Variants in EPRS1 observed in about 807,000 individuals in gnomAD.
EPRS1 encodes the protein bifunctional glutamate/proline--tRNA ligase.
In EPRS1, 107 loss-of-function variants were observed where a neutral mutation model predicts 188.3. The ratio of observed to expected loss-of-function variants is 0.57; its 90% CI spans 0.49 to 0.67. EPRS1 has a LOEUF of 0.67. EPRS1 is among the 30% of genes least tolerant of loss of function. The pLI is 0.00. For synonymous variants in EPRS1, 596 were observed against 593.1 expected (o/e 1.00, Z -0.07); for missense variants, 1,577 against 1,802.2 (o/e 0.88, Z 2.26).
At chr1:219,991,321 A>C (rs554978167) in intron 18 of EPRS1, among the ~76,000 whole-genome samples, 1 of 151,818 alleles carries the variant, frequency 6.6e-6, no homozygotes, top group African/African-American at 2.4e-5. Flanking sequence ...AAATGAAAAA[A>C]CTTTTTTCAA....
At chr1:220,034,707 C>G (rs2577136) in intron 3 of EPRS1, among the ~76,000 whole-genome samples, 2 of 152,018 alleles carry the variant, frequency 1.3e-5, no homozygotes, top group Non-Finnish European at 2.9e-5. Context: ...TGGTAGGGGA[C>G]TAAAGGTTCA....
At chr1:219,986,035 A>C (rs1422925130) in intron 20 of EPRS1, among the ~76,000 whole-genome samples, 1 of 152,224 alleles carries the variant, frequency 6.6e-6, no homozygotes, top group Non-Finnish European at 1.5e-5. Flanking sequence ...CTGGTTATTC[A>C]GTTTAATAGT....
intron 17 of EPRS1, among the ~76,000 whole-genome samples, chr1:219,998,697 C>G (rs367969583): frequency 6.6e-6 from 1 of 151,890 alleles, no homozygotes; most frequent in East Asian, 1.9e-4. Context: ...CCTGCACCAC[C>G]ACACCCAGCT....
chr1:220,024,203 C>T (rs2577159), intron 8 of EPRS1, 61 bp downstream of exon 8: 898,437 of 1,116,932 alleles, frequency 0.8, 362,377 homozygotes, highest in East Asian at 0.92. Flanking sequence ...AAAGAAATCA[C>T]GTTCTACTAA....
intron 18 of EPRS1, 83 bp from the exon 19 acceptor site, chr1:219,988,906 T>A: frequency 1.3e-6 from 1 of 784,266 alleles, no homozygotes; most frequent in Non-Finnish European, 2.0e-6. Flanking sequence ...TCTTTAATTA[T>A]CAGCAAATCA....
rs115606986 is a variant in EPRS1, at chr1:219,988,273, G to A, written c.2775+317C>T. Among the ~76,000 whole-genome samples the A allele has an allele frequency of 3.5e-3, 526 of 152,272 alleles. 5 individuals carry two copies. Among genetic ancestry groups the A allele is most frequent in the African/African-American group, 0.012 (515 of 41,560 alleles). ...AAGGTAAATATTAAGGGCCTTCAATGGGGTGAGCACTGTGCTAGGGTCTAG... is the reference window on the plus strand; with the variant it reads ...AAGGTAAATATTAAGGGCCTTCAATAGGGTGAGCACTGTGCTAGGGTCTAG... On this transcript the variant is annotated intron_variant, in intron 19 of 31. Coordinates refer to ENST00000366923, the MANE Select transcript of EPRS1 (RefSeq NM_004446.3).
chr1:220,018,846 G>A (rs569673231), intron 11 of EPRS1, 149 bp downstream of exon 11: 2 of 357,242 alleles, frequency 5.6e-6, no homozygotes, highest in Admixed American at 6.7e-5. Context: ...AAAAAAGTTT[G>A]TTTTAAAAAA....
Position 219,978,731 on chromosome 1 carries a change from A to C in EPRS1, c.3910-12T>G. ...GGAATAATCACCACCTAGAATCAGCACAATGTCCCAAATGTATGCAAAGAA... is the reference window on the plus strand; with the variant it reads ...GGAATAATCACCACCTAGAATCAGCCCAATGTCCCAAATGTATGCAAAGAA... On this transcript the variant is annotated splice_polypyrimidine_tract_variant and intron_variant, in intron 27 of 31. Coordinates refer to ENST00000366923, the MANE Select transcript of EPRS1 (RefSeq NM_004446.3). 1 of 1,602,478 alleles carries C rather than the reference A, an allele frequency of 6.2e-7. No individual in the cohort carries two copies. The highest frequency in any genetic ancestry group is 8.5e-7 in the Non-Finnish European group (1 of 1,173,598).
In EPRS1 at chr1:220,032,430, G is replaced by A; in HGVS notation, c.485C>T (p.Ser162Leu). Residue 162 changes from serine (S) to leucine (L), a missense_variant, in exon 5 of 32, where the codon TCA becomes TTA. Physicochemically the swap from Ser to Leu is moderately radical, Grantham distance 145. Transcript: ENST00000366923. ...TGAAACATCCCACTTGGTACCTACT[G>A]ACTGGAAGGCCTGCTGGGCTTCAAG... ...GFLEAQQAFQ[S>L]VGTKWDVSTT... 6.2e-7 allele frequency: 1 copy of A among 1,613,234 alleles called. No homozygotes were observed. The highest frequency in any genetic ancestry group is 8.5e-7 in the Non-Finnish European group (1 of 1,179,676).
At chr1:220,029,317 CCA>C (rs760599591) in intron 6 of EPRS1, among the ~76,000 whole-genome samples, 3 of 152,158 alleles carry the variant, frequency 2.0e-5, no homozygotes, top group African/African-American at 7.2e-5. Context: ...TGTGAATTTT[CCA>C]CAGTCATCAC....
chr1:220,033,879 CTT>C (rs56389209), intron 3 of EPRS1, among the ~76,000 whole-genome samples: 6 of 144,654 alleles, frequency 4.1e-5, no homozygotes, highest in Non-Finnish European at 9.0e-5. Context: ...ATGCTTTCTG[CTT>C]TTTTTTTTTT....
rs12059273 is a variant in EPRS1 at position 219,985,007 on chromosome 1, G to A, written c.3039-750C>T. 6.5e-3 allele frequency among the ~76,000 whole-genome samples: 973 copies of A among 149,020 alleles called. 14 individuals are homozygous for A. The highest frequency in any genetic ancestry group is 0.023 in the African/African-American group (913 of 40,122). ...TGCAGTGAGCCGAGATTGCGCCATT[G>A]CACTCCAGCCTGGGCAACAAAAGTG... On this transcript the variant is annotated intron_variant, in intron 20 of 31. Coordinates refer to ENST00000366923, the MANE Select transcript of EPRS1 (RefSeq NM_004446.3).
rs545944969 is a variant in EPRS1, at chr1:219,983,731, A to G, written c.3091-333T>C. Reference sequence around the variant, plus strand: ...AATATGGTGAAACCCAGTCTCTACTAAAACTACAAAAATTAGCCGGGCGTG... The same window carrying G: ...AATATGGTGAAACCCAGTCTCTACTGAAACTACAAAAATTAGCCGGGCGTG... On this transcript the variant is annotated intron_variant, in intron 21 of 31. Coordinates refer to ENST00000366923, the MANE Select transcript of EPRS1 (RefSeq NM_004446.3). Among the ~76,000 whole-genome samples, 12 of 152,190 alleles carry G rather than the reference A, an allele frequency of 7.9e-5. No individual in the cohort carries two copies. The South Asian group carries it at 2.5e-3, about 32-fold the overall frequency.
In EPRS1 at chr1:219,980,807, A is replaced by G. The variant is rs1660880267; in HGVS notation, c.3504T>C (p.Leu1168=). 1 of 1,613,566 alleles carries G rather than the reference A, an allele frequency of 6.2e-7. No individual in the cohort carries two copies. The highest frequency in any genetic ancestry group is 8.5e-7 in the Non-Finnish European group (1 of 1,179,830). The part of the protein sequence containing the change: ...PQPFLRTREF[L]WQEGHSAFAT... ...CAAAAGCACTGTGCCCTTCCTGCCA[A>G]AGAAATTCACGAGTACGTAGGAAAG... The change falls in exon 25 of 32, where the codon CTT becomes CTC. Residue 1168 remains leucine (L), a synonymous_variant. Transcript: ENST00000366923.
At chr1:220,030,858 G>A (rs11808639) in intron 5 of EPRS1, among the ~76,000 whole-genome samples, 2,672 of 152,224 alleles carry the variant, frequency 0.018, 81 homozygotes, top group African/African-American at 0.061. Context: ...TTGGGAGGCC[G>A]AGGATGGCAG....
At chr1:220,030,796 T>TG (rs1662069826) in intron 5 of EPRS1, among the ~76,000 whole-genome samples, 1 of 152,078 alleles carries the variant, frequency 6.6e-6, no homozygotes, top group South Asian at 2.1e-4. Flanking sequence ...ATGTATCAGA[T>TG]GGAGTATATG....
chr1:220,014,734 T>C (rs1243068595), intron 12 of EPRS1, among the ~76,000 whole-genome samples: 2 of 152,190 alleles, frequency 1.3e-5, no homozygotes, highest in Non-Finnish European at 2.9e-5. Flanking sequence ...GCCAGATCAT[T>C]GTACAGTGAA....
chr1:220,018,101 G>A lies in EPRS1; in HGVS notation c.1494+348C>T, dbSNP rs1006685137. The A allele has an allele frequency of 7.0e-6, 9 of 1,288,060 alleles. No individual in the cohort carries two copies. The African/African-American group carries it at 7.6e-5, about 11-fold the overall frequency. 79.8% of individuals were successfully genotyped at this position (1,288,060 alleles called of 1,614,324 possible). A position where few individuals can be genotyped will look rare whatever the true frequency, so the allele number is the denominator to read the frequency against. ...GTAATATGCTAAAAGCTATGTTTAA[G>A]GCAAATAAAAGCATTAAGTAATACC... On this transcript the variant is annotated intron_variant, in intron 12 of 31. Coordinates refer to ENST00000366923, the MANE Select transcript of EPRS1 (RefSeq NM_004446.3).
chr1:220,016,349 G>A (rs4846610), intron 12 of EPRS1, among the ~76,000 whole-genome samples: 120,791 of 140,308 alleles, frequency 0.86, 52,166 homozygotes, highest in African/African-American at 0.96. Context: ...GCTACAAAAA[G>A]AAAAAGAAAA....
Sources: gnomAD v4.1 joint callset for allele counts (sites outside exome capture counted in the v4.1 genomes callset) on GRCh38, gnomAD v4.1.1 for gene constraint, MANE v1.5 for transcripts, NCBI Gene and HGNC (gene_info 2026-07-23, HGNC 2026-07-21) for gene names.